KALRN: variants seen among roughly 807,000 people sequenced by gnomAD.
The protein encoded by KALRN is kalirin.
A neutral mutation model predicts 353.7 loss-of-function variants in KALRN; 70 were observed. The observed-to-expected ratio is 0.20, with a 90% CI of 0.16 to 0.24. The LOEUF is 0.24. KALRN is among the 10% of genes least tolerant of loss of function. KALRN has a pLI of 1.00. For missense variants in KALRN, 2,791 were observed against 3,756.7 expected, an observed-to-expected ratio of 0.74 and a Z score of 6.72; for synonymous variants, 1,391 against 1,434.8, an observed-to-expected ratio of 0.97 and a Z score of 0.69.
chr3:124,591,741 C>T (rs1347304714), intron 34 of KALRN, among the ~76,000 whole-genome samples: 5 of 152,168 alleles, frequency 3.3e-5, no homozygotes, highest in African/African-American at 4.8e-5. Context: ...ACCCCATCCT[C>T]AGGGGACTCC....
chr3:124,592,847 G>A (rs938213586), intron 34 of KALRN, among the ~76,000 whole-genome samples: 2 of 152,246 alleles, frequency 1.3e-5, no homozygotes, highest in Admixed American at 6.5e-5. Flanking sequence ...GCAGCCAGGA[G>A]GCTGCCAGGC....
intron 26 of KALRN, among the ~76,000 whole-genome samples, 181 bp from the exon 27 acceptor site, chr3:124,477,064 A>T (rs1488467106): frequency 6.6e-6 from 1 of 152,252 alleles, no homozygotes; most frequent in Non-Finnish European, 1.5e-5. Flanking sequence ...CAGGAGAAAG[A>T]CATCCCAATG....
chr3:124,265,931 C>T (rs543812196), intron 4 of KALRN, among the ~76,000 whole-genome samples: 1 of 152,000 alleles, frequency 6.6e-6, no homozygotes, highest in Non-Finnish European at 1.5e-5. Flanking sequence ...GCCTGGCCAA[C>T]ATGGTGAAAC....
intron 3 of KALRN, among the ~76,000 whole-genome samples, chr3:124,263,390 C>A: frequency 6.6e-6 from 1 of 152,154 alleles, no homozygotes; most frequent in East Asian, 1.9e-4. Flanking sequence ...CATGACTCAG[C>A]GATCTGATTT....
At chr3:124,282,978 C>T (rs996997341) in intron 5 of KALRN, among the ~76,000 whole-genome samples, 2 of 152,192 alleles carry the variant, frequency 1.3e-5, no homozygotes, top group Admixed American at 6.5e-5. Flanking sequence ...AGGTCAGGCC[C>T]ACCTAGCACA....
intron 51 of KALRN, among the ~76,000 whole-genome samples, chr3:124,691,931 A>G (rs1165682946): frequency 6.6e-6 from 1 of 152,218 alleles, no homozygotes; most frequent in Non-Finnish European, 1.5e-5. Context: ...GAAATGCAGT[A>G]GGTTCTACCA....
At chr3:124,236,995 A>C (rs2079857126) in intron 3 of KALRN, among the ~76,000 whole-genome samples, 1 of 152,212 alleles carries the variant, frequency 6.6e-6, no homozygotes, top group Non-Finnish European at 1.5e-5. Flanking sequence ...GAAGAGTGTA[A>C]GTGCCTGGCA....
At chr3:124,428,396 T>A (rs2093123958) in intron 15 of KALRN, among the ~76,000 whole-genome samples, 1 of 152,170 alleles carries the variant, frequency 6.6e-6, no homozygotes, top group African/African-American at 2.4e-5. Context: ...TTTTACACAT[T>A]GTTGCATCAA....
intron 1 of KALRN, among the ~76,000 whole-genome samples, chr3:124,198,546 G>T (rs1008088096): frequency 6.6e-6 from 1 of 152,178 alleles, no homozygotes; most frequent in Non-Finnish European, 1.5e-5. Context: ...TAAGCTGGGA[G>T]CTGCCTGGCT....
chr3:124,467,299 C>T (rs2060435453), intron 25 of KALRN, among the ~76,000 whole-genome samples: 1 of 152,200 alleles, frequency 6.6e-6, no homozygotes, highest in African/African-American at 2.4e-5. Flanking sequence ...CAGTCAACTT[C>T]CCAGAGTTCC....
intron 3 of KALRN, among the ~76,000 whole-genome samples, chr3:124,251,355 C>CT (rs57628448): frequency 0.56 from 75,737 of 134,086 alleles, 23,849 homozygotes; most frequent in Non-Finnish European, 0.71. Flanking sequence ...CAAGTCTTTG[C>CT]TTTTTTTTTT....
intron 19 of KALRN, among the ~76,000 whole-genome samples, chr3:124,444,843 G>T (rs517545): frequency 0.35 from 52,661 of 149,162 alleles, 9,585 homozygotes; most frequent in Non-Finnish European, 0.4. Flanking sequence ...GAAAGAGAGA[G>T]AAAGAAAAAA....
intron 37 of KALRN, among the ~76,000 whole-genome samples, chr3:124,646,391 CTTT>C (rs10673161): frequency 3.6e-5 from 4 of 110,478 alleles, no homozygotes; most frequent in African/African-American, 3.4e-5. Context: ...CTTTTGTTTA[CTTT>C]TTTTTTTTTT....
rs755186379 is a variant in KALRN at position 124,298,911 on chromosome 3, A to G, written c.1090A>G (p.Met364Val). 1.9e-6 allele frequency: 3 copies of G among 1,613,976 alleles called. No individual in the cohort carries two copies. The highest frequency in any genetic ancestry group is 2.5e-6 in the Non-Finnish European group (3 of 1,179,972). ...GCACAATCACTTTGCCATGAACTCC[A>G]TGGTGAGCTGAGGGGCTGTTCTCAG... Reference protein sequence around the residue: ...TQHNHFAMNSMNAYVNINRIM... With the variant: ...TQHNHFAMNSVNAYVNINRIM... Residue 364 changes from methionine to valine, a missense_variant and splice_region_variant, in exon 6 of 60, where the codon ATG becomes GTG. By Grantham distance (21) the Met-to-Val change is conservative (BLOSUM62 1). Transcript: ENST00000682506.
At chr3:124,097,539 G>A (rs183633792) in intron 1 of KALRN, among the ~76,000 whole-genome samples, 105 of 152,342 alleles carry the variant, frequency 6.9e-4, no homozygotes, top group African/African-American at 2.3e-3. Flanking sequence ...TGGATGAGCT[G>A]TATGCTGGCC....
chr3:124,666,951 T>C (rs1340484515), intron 46 of KALRN, 61 bp from the exon 47 acceptor site: 39 of 1,503,896 alleles, frequency 2.6e-5, no homozygotes, highest in Non-Finnish European at 3.3e-5. Context: ...GGAAGAGTAA[T>C]ATGTTGCTGA....
intron 33 of KALRN, among the ~76,000 whole-genome samples, chr3:124,510,192 T>C (rs530462): frequency 0.72 from 109,308 of 152,114 alleles, 40,628 homozygotes; most frequent in East Asian, 0.93. Context: ...TTAAGAAAAC[T>C]AAAGCTTCCA....
intron 3 of KALRN, among the ~76,000 whole-genome samples, chr3:124,236,767 G>T (rs1472642387): frequency 6.6e-6 from 1 of 152,228 alleles, no homozygotes. Flanking sequence ...CCCAAGAGGG[G>T]CTGAGAGGAA....
At chr3:124,434,829 C>G (rs1321167473) in intron 17 of KALRN, among the ~76,000 whole-genome samples, 1 of 152,198 alleles carries the variant, frequency 6.6e-6, no homozygotes, top group Admixed American at 6.5e-5. Context: ...GCTGTTACCA[C>G]CATAGTGCTG....
Sources: gnomAD v4.1 joint callset for allele counts (sites outside exome capture counted in the v4.1 genomes callset) on GRCh38, gnomAD v4.1.1 for gene constraint, MANE v1.5 for transcripts, NCBI Gene and HGNC (gene_info 2026-07-23, HGNC 2026-07-21) for gene names.